Variants in UBE2H observed in about 807,000 individuals in gnomAD.
UBE2H encodes the protein ubiquitin conjugating enzyme E2 H.
UBE2H carries 3 observed loss-of-function variants against 29.0 expected under a neutral mutation model. The ratio of observed to expected loss-of-function variants is 0.10; its 90% CI spans 0.05 to 0.27. UBE2H has a LOEUF of 0.27. UBE2H is among the 10% of genes least tolerant of loss of function. The probability of loss-of-function intolerance (pLI) is 1.00; values close to 1 mark genes in which losing one functional copy is unlikely to be tolerated. For missense variants in UBE2H, 68 were observed against 228.2 expected, an observed-to-expected ratio of 0.30 and a Z score of 4.52; for synonymous variants, 69 against 82.9, an observed-to-expected ratio of 0.83 and a Z score of 0.91.
intron 1 of UBE2H, among the ~76,000 whole-genome samples, chr7:129,945,809 C>T (rs1807749940): frequency 6.6e-6 from 1 of 151,972 alleles, no homozygotes; most frequent in Non-Finnish European, 1.5e-5. Context: ...GGCGCAATCT[C>T]AGCTCACCGC....
chr7:129,905,608 C>G (rs1806799799), intron 1 of UBE2H, among the ~76,000 whole-genome samples: 1 of 152,080 alleles, frequency 6.6e-6, no homozygotes, highest in Non-Finnish European at 1.5e-5. Context: ...TTGGCCAGAA[C>G]TCAAAACAGA....
At chr7:129,948,988 C>G (rs1439675201) in intron 1 of UBE2H, 1 of 456,918 alleles carries the variant, frequency 2.2e-6, no homozygotes, top group East Asian at 6.9e-5. Context: ...CTCCTCCCCT[C>G]CTCCTTTTCC....
chr7:129,854,066 T>TTTTTTTTTTTTA (rs1554430944), intron 5 of UBE2H, among the ~76,000 whole-genome samples: 3 of 148,890 alleles, frequency 2.0e-5, no homozygotes, highest in Admixed American at 6.7e-5. Context: ...GTTAGTTTTT[T>TTTTTTTTTTTTA]TTTTTTTTTT....
chr7:129,916,428 T>TAAAAAAAAA (rs5741663), intron 1 of UBE2H, among the ~76,000 whole-genome samples: 1 of 137,650 alleles, frequency 7.3e-6, no homozygotes, highest in Non-Finnish European at 1.5e-5. Context: ...TCTTCCCACT[T>TAAAAAAAAA]AAAAAAAAAA....
rs1443145016 is a variant in UBE2H at position 129,862,237 on chromosome 7, T to C, written c.206-3296A>G. The stretch of plus-strand genomic sequence containing the variant: ...TGAAAAATATTGCCTGAAGCTACTA[T>C]TAAGAATTAAAAATACGTTCTTGAT... On this transcript the variant is annotated intron_variant, in intron 3 of 6. Transcript: ENST00000355621. Among the ~76,000 whole-genome samples the C allele has an allele frequency of 3.3e-5, 5 of 152,210 alleles. No individual in the cohort carries two copies. The East Asian group carries it at 7.7e-4, about 23-fold the overall frequency.
chr7:129,865,712 T>C (rs985498705), intron 3 of UBE2H, among the ~76,000 whole-genome samples: 2 of 152,256 alleles, frequency 1.3e-5, no homozygotes, highest in Non-Finnish European at 2.9e-5. Flanking sequence ...ATACATTAAG[T>C]CATTCTGATC....
chr7:129,869,171 C>T (rs1805978351), intron 3 of UBE2H, among the ~76,000 whole-genome samples: 1 of 152,032 alleles, frequency 6.6e-6, no homozygotes, highest in African/African-American at 2.4e-5. Context: ...CTCCTAACCT[C>T]AGGTGATCCG....
intron 1 of UBE2H, among the ~76,000 whole-genome samples, chr7:129,948,768 G>T (rs375252704): frequency 2.6e-5 from 4 of 152,098 alleles, no homozygotes; most frequent in Non-Finnish European, 5.9e-5. Context: ...GTGTATGCCG[G>T]TCCCCATTAT....
At chr7:129,942,104 G>A (rs1224390286) in intron 1 of UBE2H, among the ~76,000 whole-genome samples, 2 of 151,464 alleles carry the variant, frequency 1.3e-5, no homozygotes, top group African/African-American at 4.9e-5. Context: ...CAGCTACTCG[G>A]GAGGCTGAAG....
At chr7:129,870,010 A>T (rs1805996390) in intron 3 of UBE2H, among the ~76,000 whole-genome samples, 1 of 152,034 alleles carries the variant, frequency 6.6e-6, no homozygotes, top group South Asian at 2.1e-4. Context: ...TCTCTCCTCT[A>T]GTTCTTTCAC....
intron 1 of UBE2H, chr7:129,948,868 C>T: frequency 3.2e-6 from 1 of 310,564 alleles, no homozygotes; most frequent in Non-Finnish European, 6.6e-6. Flanking sequence ...CTTTTTACCC[C>T]TCGAAAACAC....
Position 129,839,204 on chromosome 7 carries a change from T to C in UBE2H, c.427+3A>G. The stretch of plus-strand genomic sequence containing the variant: ...CTCCAGGTTAAACTACCCATCCTCT[T>C]ACCTTTAATTTTCTGCTTGTATTCT... On this transcript the variant is annotated splice_donor_region_variant and intron_variant, in intron 6 of 6. Transcript: ENST00000355621. 8.7e-6 allele frequency: 14 copies of C among 1,612,286 alleles called. No individual in the cohort carries two copies. The highest frequency in any genetic ancestry group is 1.2e-5 in the Non-Finnish European group (14 of 1,179,468).
chr7:129,930,921 A>C (rs1308281265), intron 1 of UBE2H, among the ~76,000 whole-genome samples: 1 of 145,468 alleles, frequency 6.9e-6, no homozygotes. Context: ...AAAAAAAAAA[A>C]AAAAAAAAAA....
chr7:129,861,901 A>G (rs1007602109), intron 3 of UBE2H, among the ~76,000 whole-genome samples: 5 of 152,324 alleles, frequency 3.3e-5, no homozygotes, highest in East Asian at 1.9e-4. Flanking sequence ...AAAAAGTTAT[A>G]CATAGTATCA....
At chr7:129,854,064 T>TTTTTTTTTTTTTTATTTTTTTA (rs1432620127) in intron 5 of UBE2H, among the ~76,000 whole-genome samples, 4 of 148,384 alleles carry the variant, frequency 2.7e-5, no homozygotes, top group Non-Finnish European at 6.0e-5. Context: ...GTGTTAGTTT[T>TTTTTTTTTTTTTTATTTTTTTA]TTTTTTTTTT....
intron 1 of UBE2H, among the ~76,000 whole-genome samples, chr7:129,916,294 C>T (rs1360898533): frequency 6.6e-6 from 1 of 152,070 alleles, no homozygotes; most frequent in Non-Finnish European, 1.5e-5. Flanking sequence ...TTTCCAGATA[C>T]AGCACTGGCT....
In UBE2H at chr7:129,830,803, T is replaced by C. The variant is rs1406929893; in HGVS notation, c.*4134A>G. The C allele has an allele frequency of 3.4e-5, 5 of 146,692 alleles. No homozygotes were observed. Among genetic ancestry groups the C allele is most frequent in the Admixed American group, 6.8e-5 (1 of 14,626 alleles). The allele number at this position is 146,692 out of a possible 1,614,324, so 9.1% of individuals were successfully genotyped here. On this transcript the variant is annotated 3_prime_UTR_variant, in exon 7 of 7. Coordinates refer to ENST00000355621, the MANE Select transcript of UBE2H (RefSeq NM_003344.4). ...ATTATACACAACTATTAAGAGGTTA[T>C]AGTCAGAGGAGGCATGTGTCCTGTT...
At chr7:129,939,141 G>A (rs1022392474) in intron 1 of UBE2H, among the ~76,000 whole-genome samples, 1 of 152,192 alleles carries the variant, frequency 6.6e-6, no homozygotes, top group African/African-American at 2.4e-5. Flanking sequence ...ATTCACAGCT[G>A]TGAGAACCAA....
intron 1 of UBE2H, among the ~76,000 whole-genome samples, chr7:129,921,796 G>A (rs757131021): frequency 2.0e-5 from 3 of 151,534 alleles, no homozygotes; most frequent in Non-Finnish European, 2.9e-5. Flanking sequence ...TCTTTTTGGC[G>A]CTAACTTTGT....
Sources: gnomAD v4.1 joint callset for allele counts (sites outside exome capture counted in the v4.1 genomes callset) on GRCh38, gnomAD v4.1.1 for gene constraint, MANE v1.5 for transcripts, NCBI Gene and HGNC (gene_info 2026-07-23, HGNC 2026-07-21) for gene names.